The following MGAT5 variants were observed in gnomAD, a reference collection of about 807,000 sequenced individuals.
The protein encoded by MGAT5 is alpha-1,6-mannosylglycoprotein 6-beta-N-acetylglucosaminyltransferase.
In MGAT5, 30 loss-of-function variants were observed where a neutral mutation model predicts 94.3. That is an observed-to-expected ratio of 0.32 (90% CI 0.24 to 0.43). The LOEUF is 0.43. Among genes scored for constraint, MGAT5 ranks in the 20% least tolerant of loss-of-function variants. The pLI, the probability that MGAT5 is intolerant of heterozygous loss-of-function variation, is 1.00. For synonymous variants in MGAT5, 310 were observed against 322.9 expected, an observed-to-expected ratio of 0.96 and a Z score of 0.43; for missense variants, 691 against 905.5, an observed-to-expected ratio of 0.76 and a Z score of 3.04.
At chr2:134,256,057 A>G (rs1573626966) in intron 1 of MGAT5, among the ~76,000 whole-genome samples, 1 of 152,342 alleles carries the variant, frequency 6.6e-6, no homozygotes, top group East Asian at 1.9e-4. Context: ...TATGTAAATA[A>G]TCACACTCTG....
intron 1 of MGAT5, among the ~76,000 whole-genome samples, chr2:134,153,877 C>T (rs1687348703): frequency 6.6e-6 from 1 of 152,120 alleles, no homozygotes; most frequent in African/African-American, 2.4e-5. Context: ...GGTTAAGGCC[C>T]AGAGACATGG....
At chr2:134,195,163 A>G (rs1679437275) in intron 1 of MGAT5, among the ~76,000 whole-genome samples, 1 of 152,206 alleles carries the variant, frequency 6.6e-6, no homozygotes, top group Admixed American at 6.5e-5. Flanking sequence ...TCCTGTGAAC[A>G]GTTTGGATTC....
chr2:134,328,193 C>T (rs1178432355), intron 4 of MGAT5, among the ~76,000 whole-genome samples: 4 of 152,080 alleles, frequency 2.6e-5, no homozygotes, highest in African/African-American at 9.7e-5. Context: ...ACACTGAACA[C>T]TTACTACAAC....
At chr2:134,274,322 T>C (rs1432131432) in intron 2 of MGAT5, among the ~76,000 whole-genome samples, 5 of 152,238 alleles carry the variant, frequency 3.3e-5, no homozygotes, top group African/African-American at 9.6e-5. Flanking sequence ...TTCTTCTCAA[T>C]TTACATTTGT....
At chr2:134,193,675 TTGTG>T (rs58044792) in intron 1 of MGAT5, among the ~76,000 whole-genome samples, 23,422 of 130,552 alleles carry the variant, frequency 0.18, 1,991 homozygotes, top group Non-Finnish European at 0.19. Context: ...CCCCAAATCT[TTGTG>T]TGTGTGTGTG....
intron 14 of MGAT5, among the ~76,000 whole-genome samples, chr2:134,436,394 T>G (rs999398719): frequency 3.9e-5 from 6 of 152,170 alleles, no homozygotes; most frequent in African/African-American, 1.4e-4. Context: ...CAAAACAGAC[T>G]GCTGAGAGGA....
Position 134,318,791 on chromosome 2 carries a change from C to G in MGAT5, c.573+52C>G, listed in dbSNP as rs568884894. ...GGTAGATGTGACTGGTTGGACTGTT[C>G]TGTAGCTGAGTCTGAAATTTGAAAA... On this transcript the variant is annotated intron_variant, in intron 4 of 15. Transcript: ENST00000281923. The G allele has an allele frequency of 2.4e-6, 3 of 1,275,210 alleles. No individual in the cohort carries two copies. The African/African-American group carries it at 4.5e-5, about 19-fold the overall frequency. The allele number at this position is 1,275,210 out of a possible 1,614,324, so 79.0% of individuals were successfully genotyped here.
At chr2:134,223,588 A>C (rs1371527893) in intron 1 of MGAT5, among the ~76,000 whole-genome samples, 1 of 152,250 alleles carries the variant, frequency 6.6e-6, no homozygotes, top group Non-Finnish European at 1.5e-5. Flanking sequence ...GTAGCCAAGA[A>C]ATAATGCTTT....
intron 14 of MGAT5, among the ~76,000 whole-genome samples, chr2:134,439,612 G>T (rs149075770): frequency 6.6e-6 from 1 of 152,320 alleles, no homozygotes; most frequent in African/African-American, 2.4e-5. Context: ...CAGGAGAATT[G>T]CGTGAATCCA....
intron 1 of MGAT5, among the ~76,000 whole-genome samples, chr2:134,182,066 A>C (rs1443079403): frequency 6.6e-6 from 1 of 152,222 alleles, no homozygotes; most frequent in African/African-American, 2.4e-5. Context: ...ACATCTGGTT[A>C]AGTGCATATG....
intron 9 of MGAT5, among the ~76,000 whole-genome samples, chr2:134,355,695 T>C (rs1041530991): frequency 3.3e-5 from 5 of 152,240 alleles, no homozygotes; most frequent in Admixed American, 3.3e-4. Context: ...AGCTCTAAAA[T>C]TGATGACTTG....
At chr2:134,400,280 A>T (rs531447161) in intron 10 of MGAT5, among the ~76,000 whole-genome samples, 11 of 152,340 alleles carry the variant, frequency 7.2e-5, no homozygotes, top group Non-Finnish European at 1.0e-4. Context: ...AAGTGGTAAC[A>T]AGAGACCTGA....
intron 4 of MGAT5, among the ~76,000 whole-genome samples, chr2:134,326,590 C>T (rs903023162): frequency 1.3e-5 from 2 of 151,972 alleles, no homozygotes; most frequent in African/African-American, 4.8e-5. Flanking sequence ...AACCTGAGTG[C>T]CAAGAGCATT....
chr2:134,181,811 C>T (rs1003074437), intron 1 of MGAT5, among the ~76,000 whole-genome samples: 2 of 152,332 alleles, frequency 1.3e-5, no homozygotes, highest in South Asian at 4.1e-4. Flanking sequence ...GACTCAGCTC[C>T]ACACTTCGCC....
At chr2:134,125,052 AGT>A (rs1685778071) in intron 1 of MGAT5, among the ~76,000 whole-genome samples, 1 of 151,818 alleles carries the variant, frequency 6.6e-6, no homozygotes, top group African/African-American at 2.4e-5. Flanking sequence ...CCCTCATGGG[AGT>A]GTGTTATGTT....
At chr2:134,237,033 A>G (rs1366794843) in intron 1 of MGAT5, among the ~76,000 whole-genome samples, 1 of 152,166 alleles carries the variant, frequency 6.6e-6, no homozygotes, top group Non-Finnish European at 1.5e-5. Context: ...TTTCTAAACT[A>G]ACAAATGTGC....
chr2:134,432,248 C>T (rs1684923010), intron 14 of MGAT5, among the ~76,000 whole-genome samples: 1 of 152,144 alleles, frequency 6.6e-6, no homozygotes, highest in Admixed American at 6.5e-5. Flanking sequence ...TTTCTGTTTC[C>T]TGTAAAGACA....
intron 10 of MGAT5, among the ~76,000 whole-genome samples, chr2:134,374,329 G>GA: frequency 6.6e-6 from 1 of 152,248 alleles, no homozygotes; most frequent in South Asian, 2.1e-4. Flanking sequence ...AAAATCATGA[G>GA]ATTTACCCTG....
chr2:134,318,368 C>T (rs3791282), intron 3 of MGAT5, among the ~76,000 whole-genome samples: 23,991 of 152,052 alleles, frequency 0.16, 1,990 homozygotes, highest in Middle Eastern at 0.34. Flanking sequence ...CCTAAGCCAC[C>T]GCCTCTCCTG....
Sources: allele counts gnomAD v4.1 joint callset (sites outside exome capture counted in the v4.1 genomes callset), GRCh38; gene constraint gnomAD v4.1.1; transcripts MANE v1.5; gene names NCBI Gene and HGNC (gene_info 2026-07-23, HGNC 2026-07-21).